CYB5R3: variants seen among roughly 807,000 people sequenced by gnomAD.
The protein encoded by CYB5R3 is cytochrome b5 reductase 3, also known as NADH-cytochrome b5 reductase 3.
A neutral mutation model predicts 36.5 loss-of-function variants in CYB5R3; 28 were observed. The ratio of observed to expected loss-of-function variants is 0.77; its 90% CI spans 0.57 to 1.05. The LOEUF (loss-of-function observed/expected upper bound fraction) is 1.05. Ranked by LOEUF, CYB5R3 falls within the 50% of genes least tolerant of loss-of-function variation. The probability of loss-of-function intolerance (pLI) is 0.00; values close to 1 mark genes in which losing one functional copy is unlikely to be tolerated. For synonymous variants in CYB5R3, 181 were observed against 159.8 expected, an observed-to-expected ratio of 1.13 and a Z score of -1.00; for missense variants, 474 against 408.9, an observed-to-expected ratio of 1.16 and a Z score of -1.37.
chr22:42,640,419 C>T (rs1044525039), intron 1 of CYB5R3: 9 of 563,078 alleles, frequency 1.6e-5, no homozygotes, highest in Non-Finnish European at 2.2e-5. Flanking sequence ...CACTCTATCA[C>T]CCAGGCTGGA....
At chr22:42,635,850 G>A (rs1038539510) in intron 2 of CYB5R3, among the ~76,000 whole-genome samples, 4 of 152,230 alleles carry the variant, frequency 2.6e-5, no homozygotes, top group African/African-American at 9.6e-5. Flanking sequence ...AGTGACCGAT[G>A]GAAGCAGCCT....
rs1055746009 is a variant in CYB5R3, at chr22:42,627,329, A to G, written c.608T>C (p.Val203Ala). 6.2e-7 allele frequency: 1 copy of G among 1,614,016 alleles called. No individual in the cohort carries two copies. Among genetic ancestry groups the G allele is most frequent in the Non-Finnish European group, 8.5e-7 (1 of 1,179,994 alleles). Residue 203 changes from valine to alanine, a missense_variant, in exon 7 of 9, where the codon GTG becomes GCG. By Grantham distance (64) the Val-to-Ala change is moderately conservative. Coordinates refer to ENST00000352397, the MANE Select transcript of CYB5R3 (RefSeq NM_000398.7). The part of the protein sequence containing the change: ...AIMKDPDDHT[V>A]CHLLFANQTE... ...CTGGTTGGCAAAGAGCAGGTGGCACACAGTGTGGTCATCAGGGTCCTTCAT... is the reference window on the plus strand; with the variant it reads ...CTGGTTGGCAAAGAGCAGGTGGCACGCAGTGTGGTCATCAGGGTCCTTCAT...
chr22:42,640,273 A>ATGGTTC, intron 1 of CYB5R3: 1 of 1,557,380 alleles, frequency 6.4e-7, no homozygotes, highest in Non-Finnish European at 8.7e-7. Context: ...AAATGGAGCC[A>ATGGTTC]TGGTTCTGGG....
At position 42,630,912 on chromosome 22, in the gene CYB5R3, A is replaced by G. The variant is rs746714774; in HGVS notation, c.303T>C (p.Asp101=). The part of the protein sequence containing the change: ...VRPYTPISSD[D]DKGFVDLVIK... ...TGACCAGGTCCACGAAGCCCTTGTC[A>G]TCATCGCTGGAGATGGGTGTATAGG... is the stretch of plus-strand genomic sequence containing the variant. Residue 101 remains aspartate, a synonymous_variant, in exon 4 of 9, where the codon GAT becomes GAC. Coordinates refer to ENST00000352397, the MANE Select transcript of CYB5R3 (RefSeq NM_000398.7). 37 of 1,613,838 alleles carry G rather than the reference A, an allele frequency of 2.3e-5. No homozygotes were observed. The Middle Eastern group carries it at 4.9e-4, about 22-fold the overall frequency.
At chr22:42,627,782 T>G in intron 5 of CYB5R3, 94 bp from the exon 6 acceptor site, 1 of 943,804 alleles carries the variant, frequency 1.1e-6, no homozygotes. Context: ...CTGCCCCCAC[T>G]GTGAGGTCCG....
chr22:42,631,158 CTGCCT>C, intron 3 of CYB5R3, 170 bp from the exon 4 acceptor site: 1 of 771,794 alleles, frequency 1.3e-6, no homozygotes, highest in South Asian at 1.6e-5. Context: ...TCCCAGCTTC[CTGCCT>C]CCATGCCTTC....
intron 7 of CYB5R3, 74 bp from the exon 8 acceptor site, chr22:42,623,962 G>A (rs1601929901): frequency 1.2e-5 from 16 of 1,360,516 alleles, no homozygotes; most frequent in South Asian, 7.0e-5. Flanking sequence ...ACAGAGACGC[G>A]CCTCGTCATC....
intron 1 of CYB5R3, among the ~76,000 whole-genome samples, chr22:42,642,832 T>TGG: frequency 6.6e-6 from 1 of 152,352 alleles, no homozygotes; most frequent in African/African-American, 2.4e-5. Context: ...TATAAAACAC[T>TGG]GGCTCTCAAG....
chr22:42,636,108 CAG>C (rs1428698215), intron 2 of CYB5R3, among the ~76,000 whole-genome samples: 2 of 152,058 alleles, frequency 1.3e-5, no homozygotes, highest in Non-Finnish European at 2.9e-5. Context: ...CGCAGCTACT[CAG>C]GGGGCTGAGG....
chr22:42,636,991 T>A, intron 1 of CYB5R3, 145 bp from the exon 2 acceptor site: 1 of 1,208,892 alleles, frequency 8.3e-7, no homozygotes, highest in Non-Finnish European at 1.2e-6. Context: ...GAAAGCTTCA[T>A]CATCCATTTT....
At chr22:42,621,767 G>A (rs1008920992) in intron 8 of CYB5R3, among the ~76,000 whole-genome samples, 1 of 152,248 alleles carries the variant, frequency 6.6e-6, no homozygotes. Flanking sequence ...AGGGGCTCCT[G>A]CACGCACCAG....
chr22:42,636,909 G>A, intron 1 of CYB5R3, 63 bp from the exon 2 acceptor site: 3 of 1,585,556 alleles, frequency 1.9e-6, no homozygotes, highest in Non-Finnish European at 2.6e-6. Flanking sequence ...ACACCGGCTT[G>A]TCCACACTAC....
At chr22:42,633,265 A>G (rs1928710272) in intron 2 of CYB5R3, 1 of 152,270 alleles carries the variant, frequency 6.6e-6, no homozygotes. Flanking sequence ...ATGGCTGGCT[A>G]CAAAACCAGG....
At chr22:42,636,488 G>A (rs1928898283) in intron 2 of CYB5R3, among the ~76,000 whole-genome samples, 1 of 152,216 alleles carries the variant, frequency 6.6e-6, no homozygotes, top group South Asian at 2.1e-4. Context: ...CCTTGCATGA[G>A]GCAGTGAGTG....
chr22:42,624,465 G>A (rs115339547), intron 7 of CYB5R3, among the ~76,000 whole-genome samples: 1,798 of 150,768 alleles, frequency 0.012, 36 homozygotes, highest in African/African-American at 0.042. Context: ...GCTGGCCTGC[G>A]GCTCCCCCAC....
chr22:42,618,805 G>C lies in CYB5R3; in HGVS notation c.*968C>G, dbSNP rs1003247811. ...CAGGTCACAGACCCTCGAGGAGCTA[G>C]AGAAGGGTTAATATTAGCAAAGTTT... On this transcript the variant is annotated 3_prime_UTR_variant, in exon 9 of 9. Transcript: ENST00000352397. 1 of 151,014 alleles carries C rather than the reference G, an allele frequency of 6.6e-6. No homozygotes were observed. Among genetic ancestry groups the C allele is most frequent in the African/African-American group, 2.4e-5 (1 of 41,162 alleles). 9.4% of individuals were successfully genotyped at this position (151,014 alleles called of 1,614,324 possible). A position where few individuals can be genotyped will look rare whatever the true frequency, so the allele number is the denominator to read the frequency against.
chr22:42,623,248 G>A (rs1928079052), intron 8 of CYB5R3, among the ~76,000 whole-genome samples: 1 of 152,248 alleles, frequency 6.6e-6, no homozygotes, highest in Non-Finnish European at 1.5e-5. Context: ...AGTGGTGGAG[G>A]TGGGGCGGCC....
Position 42,619,003 on chromosome 22 carries a change from G to C in CYB5R3, c.*770C>G, listed in dbSNP as rs8190471. ...GGGAAGGAGGGGACGGTTTAGGACA[G>C]AGGAATAAATACATGTGGTTGTGGG... On this transcript the variant is annotated 3_prime_UTR_variant, in exon 9 of 9. Coordinates refer to ENST00000352397, the MANE Select transcript of CYB5R3 (RefSeq NM_000398.7). The C allele has an allele frequency of 6.6e-6, 1 of 152,558 alleles. No homozygotes were observed. The highest frequency in any genetic ancestry group is 1.5e-5 in the Non-Finnish European group (1 of 68,296). 9.5% of individuals were successfully genotyped at this position (152,558 alleles called of 1,614,324 possible). A position where few individuals can be genotyped will look rare whatever the true frequency, so the allele number is the denominator to read the frequency against.
chr22:42,628,500 G>T (rs554788459), intron 4 of CYB5R3, among the ~76,000 whole-genome samples: 1 of 152,104 alleles, frequency 6.6e-6, no homozygotes, highest in African/African-American at 2.4e-5. Flanking sequence ...TGACATATCC[G>T]GGGAAAGCAA....
Sources: allele counts gnomAD v4.1 joint callset (sites outside exome capture counted in the v4.1 genomes callset), GRCh38; gene constraint gnomAD v4.1.1; transcripts MANE v1.5; gene names NCBI Gene and HGNC (gene_info 2026-07-23, HGNC 2026-07-21).